Variants in FILIP1L observed in about 807,000 individuals in gnomAD.
FILIP1L encodes the protein filamin A interacting protein 1 like.
A neutral mutation model predicts 96.6 loss-of-function variants in FILIP1L; 55 were observed. The ratio of observed to expected loss-of-function variants is 0.57; its 90% confidence interval spans 0.46 to 0.71. The LOEUF (loss-of-function observed/expected upper bound fraction) is 0.71. Among genes scored for constraint, FILIP1L ranks in the 30% least tolerant of loss-of-function variants. The probability of loss-of-function intolerance (pLI) is 0.00; values close to 1 mark genes in which losing one functional copy is unlikely to be tolerated. For missense variants in FILIP1L, 1,304 were observed against 1,321.2 expected, an observed-to-expected ratio of 0.99 and a Z score of 0.20; for synonymous variants, 467 against 473.9, an observed-to-expected ratio of 0.99 and a Z score of 0.19.
At chr3:99,886,671 G>A (rs1339050433) in intron 4 of FILIP1L, among the ~76,000 whole-genome samples, 1 of 152,076 alleles carries the variant, frequency 6.6e-6, no homozygotes, top group African/African-American at 2.4e-5. Flanking sequence ...TATCAGTTAG[G>A]TGGCCAGCGT....
intron 5 of FILIP1L, among the ~76,000 whole-genome samples, chr3:99,839,262 C>G (rs1943028595): frequency 6.6e-6 from 1 of 152,168 alleles, no homozygotes; most frequent in South Asian, 2.1e-4. Context: ...ACCTTTTAAG[C>G]TACCCCTTAA....
intron 4 of FILIP1L, among the ~76,000 whole-genome samples, chr3:99,890,547 T>A (rs543411248): frequency 6.6e-6 from 1 of 152,308 alleles, no homozygotes; most frequent in East Asian, 1.9e-4. Context: ...AGTTATTCCA[T>A]CTGTTTGGCT....
intron 1 of FILIP1L, among the ~76,000 whole-genome samples, chr3:99,985,683 G>T (rs1295184761): frequency 6.6e-6 from 1 of 151,904 alleles, no homozygotes; most frequent in Non-Finnish European, 1.5e-5. Flanking sequence ...CCGTCTCCTG[G>T]GTTCAAGCAA....
intron 1 of FILIP1L, chr3:100,051,183 C>G (rs1462034684): frequency 2.0e-5 from 3 of 152,090 alleles, no homozygotes; most frequent in African/African-American, 7.2e-5. Flanking sequence ...CACAATTCTT[C>G]TCTGTGAGTC....
chr3:99,889,418 A>C (rs562023681), intron 4 of FILIP1L, among the ~76,000 whole-genome samples: 1 of 152,186 alleles, frequency 6.6e-6, no homozygotes, highest in African/African-American at 2.4e-5. Context: ...AGTAGTTACT[A>C]ATGTCTTTTC....
intron 4 of FILIP1L, among the ~76,000 whole-genome samples, chr3:99,902,503 A>C (rs982888085): frequency 7.9e-5 from 12 of 152,196 alleles, no homozygotes; most frequent in Non-Finnish European, 1.8e-4. Flanking sequence ...CTTGATATAT[A>C]AGGGTATCTA....
intron 1 of FILIP1L, among the ~76,000 whole-genome samples, chr3:100,065,731 CTAAT>C (rs2065652761): frequency 6.6e-6 from 1 of 152,194 alleles, no homozygotes; most frequent in Admixed American, 6.5e-5. Flanking sequence ...ATTCTTGTAT[CTAAT>C]TAGTCCAACA....
chr3:99,921,071 A>G (rs1459125331), intron 4 of FILIP1L, among the ~76,000 whole-genome samples: 1 of 152,164 alleles, frequency 6.6e-6, no homozygotes, highest in Non-Finnish European at 1.5e-5. Context: ...GTGGTTTACA[A>G]CACTTTGTTT....
chr3:99,961,338 C>T (rs937209265), intron 1 of FILIP1L, among the ~76,000 whole-genome samples: 11 of 152,144 alleles, frequency 7.2e-5, no homozygotes, highest in African/African-American at 2.7e-4. Flanking sequence ...AACCCCAATA[C>T]TCCATGGGGT....
intron 1 of FILIP1L, among the ~76,000 whole-genome samples, chr3:100,081,711 G>A (rs1309323665): frequency 2.6e-5 from 4 of 152,084 alleles, no homozygotes; most frequent in African/African-American, 9.7e-5. Flanking sequence ...CAGGTAAATA[G>A]TAAATGTTAC....
chr3:100,035,952 A>T (rs1212627366), intron 1 of FILIP1L, among the ~76,000 whole-genome samples: 10 of 152,340 alleles, frequency 6.6e-5, no homozygotes, highest in Admixed American at 6.5e-4. Flanking sequence ...GATGAATGAG[A>T]CATAGTCCTT....
intron 4 of FILIP1L, among the ~76,000 whole-genome samples, chr3:99,912,427 A>C (rs971921514): frequency 6.6e-6 from 1 of 152,070 alleles, no homozygotes; most frequent in Non-Finnish European, 1.5e-5. Context: ...CCCAGGCTGG[A>C]GTATAATGGC....
intron 4 of FILIP1L, among the ~76,000 whole-genome samples, chr3:99,864,692 C>T: frequency 6.6e-6 from 1 of 152,094 alleles, no homozygotes; most frequent in Non-Finnish European, 1.5e-5. Flanking sequence ...CTGTTCTCCT[C>T]TTTGCTCACT....
intron 1 of FILIP1L, among the ~76,000 whole-genome samples, chr3:99,946,567 A>G (rs889464973): frequency 6.6e-6 from 1 of 152,244 alleles, no homozygotes; most frequent in Non-Finnish European, 1.5e-5. Context: ...TTGGTCTTAC[A>G]GACTGTTAAT....
chr3:100,001,428 T>C (rs897671951), intron 1 of FILIP1L, among the ~76,000 whole-genome samples: 4 of 152,170 alleles, frequency 2.6e-5, no homozygotes, highest in Admixed American at 2.6e-4. Context: ...GCTGACCACT[T>C]CCCTAGTTGA....
At chr3:99,927,452 C>G (rs1401105026) in intron 3 of FILIP1L, among the ~76,000 whole-genome samples, 1 of 151,000 alleles carries the variant, frequency 6.6e-6, no homozygotes, top group Non-Finnish European at 1.5e-5. Context: ...TCATCGCGAT[C>G]TCCGCCTCCT....
At chr3:99,879,878 T>C (rs923665415) in intron 4 of FILIP1L, among the ~76,000 whole-genome samples, 5 of 152,146 alleles carry the variant, frequency 3.3e-5, no homozygotes, top group African/African-American at 1.2e-4. Flanking sequence ...AGACCCAGGA[T>C]TGCATAGGGA....
At chr3:99,995,943 C>T (rs937083355) in intron 1 of FILIP1L, among the ~76,000 whole-genome samples, 2 of 152,168 alleles carry the variant, frequency 1.3e-5, no homozygotes, top group Non-Finnish European at 2.9e-5. Context: ...TGTGTGAAGA[C>T]CTCTGACATG....
intron 4 of FILIP1L, among the ~76,000 whole-genome samples, chr3:99,919,044 A>AT (rs954640056): frequency 6.6e-6 from 1 of 152,034 alleles, no homozygotes; most frequent in East Asian, 1.9e-4. Flanking sequence ...CTTTCAAAAT[A>AT]TTTTTTTTAA....
Sources: allele counts gnomAD v4.1 joint callset (sites outside exome capture counted in the v4.1 genomes callset), GRCh38; gene constraint gnomAD v4.1.1; transcripts MANE v1.5; gene names NCBI Gene and HGNC (gene_info 2026-07-23, HGNC 2026-07-21).